Variants in LRRC28 observed in about 807,000 individuals in gnomAD.
LRRC28 encodes leucine rich repeat containing 28, also known as leucine-rich repeat-containing protein 28.
Under a neutral mutation model 45.7 loss-of-function variants are expected in LRRC28, and 39 were observed. The observed-to-expected ratio is 0.85, with a 90% CI of 0.66 to 1.12. The LOEUF (loss-of-function observed/expected upper bound fraction) is 1.12, where lower values mean the gene tolerates loss of function less well. Among genes scored for constraint, LRRC28 ranks in the 50% most tolerant of loss-of-function variants. The probability of loss-of-function intolerance (pLI) is 0.00; values close to 1 mark genes in which losing one functional copy is unlikely to be tolerated. For synonymous variants in LRRC28, 206 were observed against 178.8 expected, an observed-to-expected ratio of 1.15 and a Z score of -1.22; for missense variants, 435 against 438.5, an observed-to-expected ratio of 0.99 and a Z score of 0.07.
chr15:99,284,783 G>C (rs943165650), intron 3 of LRRC28: 2 of 533,994 alleles, frequency 3.7e-6, no homozygotes, highest in African/African-American at 3.8e-5. Context: ...ACTGACTATT[G>C]CAATTGTCAA....
chr15:99,270,440 C>T (rs765597548), intron 2 of LRRC28, among the ~76,000 whole-genome samples: 4 of 146,250 alleles, frequency 2.7e-5, no homozygotes, highest in Non-Finnish European at 4.6e-5. Flanking sequence ...CCCCCACCCT[C>T]AGCTCCCACA....
chr15:99,373,564 A>T (rs976329157), intron 9 of LRRC28, among the ~76,000 whole-genome samples: 1 of 152,232 alleles, frequency 6.6e-6, no homozygotes, highest in Non-Finnish European at 1.5e-5. Context: ...TTTAAAATGC[A>T]CAATTACTGA....
At chr15:99,294,356 T>C (rs948867666) in intron 5 of LRRC28, among the ~76,000 whole-genome samples, 1 of 152,196 alleles carries the variant, frequency 6.6e-6, no homozygotes, top group African/African-American at 2.4e-5. Flanking sequence ...TTTAATGTAA[T>C]GTTTTTCTTG....
intron 1 of LRRC28, chr15:99,252,072 TTAA>T (rs2080824070): frequency 6.6e-6 from 1 of 152,196 alleles, no homozygotes; most frequent in African/African-American, 2.4e-5. Flanking sequence ...TGTTTTGTTT[TTAA>T]TAATAAGATA....
intron 1 of LRRC28, 110 bp from the exon 2 acceptor site, chr15:99,255,787 GT>G (rs2080999111): frequency 1.9e-6 from 1 of 534,158 alleles, no homozygotes; most frequent in Non-Finnish European, 3.2e-6. Flanking sequence ...AGGATTGAAT[GT>G]ATTAATTATT....
At chr15:99,310,866 A>G (rs1312847817) in intron 5 of LRRC28, among the ~76,000 whole-genome samples, 1 of 152,210 alleles carries the variant, frequency 6.6e-6, no homozygotes, top group African/African-American at 2.4e-5. Context: ...TCTGTGCTGT[A>G]GATAAACACA....
Position 99,255,946 on chromosome 15 carries a change from A to T in LRRC28, c.-12A>T, listed in dbSNP as rs367911592. The T allele has an allele frequency of 1.2e-6, 2 of 1,611,224 alleles. No individual in the cohort carries two copies. On this transcript the variant is annotated 5_prime_UTR_variant, in exon 2 of 10. Coordinates refer to ENST00000301981, the MANE Select transcript of LRRC28 (RefSeq NM_144598.5). ...ATAGTGCTGCAGCGTGCCTGATGGG[A>T]TATATTCAGTCATGGCGTCCGAACT... is the stretch of plus-strand genomic sequence containing the variant.
Position 99,386,642 on chromosome 15 carries a change from C to A in LRRC28, c.*540C>A, listed in dbSNP as rs1312624177. The A allele has an allele frequency of 6.5e-6, 1 of 152,940 alleles. No individual in the cohort carries two copies. Among genetic ancestry groups the A allele is most frequent in the South Asian group, 2.1e-4 (1 of 4,862 alleles). The allele number at this position is 152,940 out of a possible 1,614,324, so 9.5% of individuals were successfully genotyped here. A position where few individuals can be genotyped will look rare whatever the true frequency, so the allele number is the denominator to read the frequency against. On this transcript the variant is annotated 3_prime_UTR_variant, in exon 10 of 10. Coordinates refer to ENST00000301981, the MANE Select transcript of LRRC28 (RefSeq NM_144598.5). Reference sequence around the variant, plus strand: ...CCTGAGTTGGCAGCAAAGTGAGGCTCCCATGGAGGCTCAGTGAGGGTCCCA... The same window carrying A: ...CCTGAGTTGGCAGCAAAGTGAGGCTACCATGGAGGCTCAGTGAGGGTCCCA...
At chr15:99,325,538 C>T (rs989686084) in intron 5 of LRRC28, among the ~76,000 whole-genome samples, 3 of 152,180 alleles carry the variant, frequency 2.0e-5, no homozygotes, top group African/African-American at 7.2e-5. Context: ...AAGCACTCAG[C>T]CTGTCACCAT....
intron 6 of LRRC28, 79 bp from the exon 7 acceptor site, chr15:99,352,290 T>C (rs951234974): frequency 2.1e-6 from 2 of 934,416 alleles, no homozygotes; most frequent in Non-Finnish European, 3.3e-6. Context: ...ATATTTCTAA[T>C]ACTATGTATT....
intron 2 of LRRC28, 46 bp from the exon 3 acceptor site, chr15:99,276,530 G>T: frequency 6.9e-7 from 1 of 1,447,718 alleles, no homozygotes; most frequent in South Asian, 1.4e-5. Context: ...GAAATGTTTA[G>T]ACATTTTTCA....
intron 9 of LRRC28, among the ~76,000 whole-genome samples, chr15:99,380,536 T>G (rs1194886636): frequency 6.6e-6 from 1 of 152,242 alleles, no homozygotes; most frequent in African/African-American, 2.4e-5. Flanking sequence ...CATTTACATT[T>G]AAGGTTAATA....
chr15:99,383,271 G>A (rs1266085213), intron 9 of LRRC28, among the ~76,000 whole-genome samples: 1 of 152,166 alleles, frequency 6.6e-6, no homozygotes, highest in Non-Finnish European at 1.5e-5. Context: ...GGCTTCTACA[G>A]CATCCTATTT....
chr15:99,266,160 C>T (rs1278419534), intron 2 of LRRC28, among the ~76,000 whole-genome samples: 1 of 152,152 alleles, frequency 6.6e-6, no homozygotes, highest in East Asian at 1.9e-4. Flanking sequence ...ATCTGTCAAT[C>T]ATGTTCCTGA....
intron 2 of LRRC28, chr15:99,259,620 C>T (rs1479649470): frequency 1.3e-5 from 20 of 1,495,854 alleles, no homozygotes; most frequent in South Asian, 4.5e-5. Context: ...GCGTACCAAA[C>T]GGGCAAGGGC....
At chr15:99,306,896 C>T (rs1166919999) in intron 5 of LRRC28, among the ~76,000 whole-genome samples, 3 of 152,170 alleles carry the variant, frequency 2.0e-5, no homozygotes, top group Admixed American at 1.3e-4. Context: ...CTTGCTGGTG[C>T]GTCTTGTCTG....
rs750651751 is a variant in LRRC28 at position 99,363,222 on chromosome 15, C to T, written c.988C>T (p.Leu330Phe). 1.2e-6 allele frequency: 2 copies of T among 1,614,078 alleles called. No individual in the cohort carries two copies. Among genetic ancestry groups the T allele is most frequent in the Non-Finnish European group, 1.7e-6 (2 of 1,179,932 alleles). Residue 330 changes from leucine (L) to phenylalanine (F), a missense_variant, in exon 9 of 10, where the codon CTC becomes TTC. Physicochemically the swap from Leu to Phe is conservative, Grantham distance 22. Transcript: ENST00000301981. ...TATGTTTACCATCGTCTACCCCAAG[C>T]TCTTTCCCTTGAGAGAGACGCCAAT... ...EPMFTIVYPK[L>F]FPLRETPMAG... is the part of the protein sequence containing the mutation.
chr15:99,294,956 C>A (rs1444945565), intron 5 of LRRC28, among the ~76,000 whole-genome samples: 2 of 152,198 alleles, frequency 1.3e-5, no homozygotes, highest in African/African-American at 2.4e-5. Flanking sequence ...GTGCCATGGC[C>A]CAAAATATGC....
chr15:99,272,562 A>T (rs962075831), intron 2 of LRRC28, among the ~76,000 whole-genome samples: 1 of 152,246 alleles, frequency 6.6e-6, no homozygotes, highest in African/African-American at 2.4e-5. Context: ...AAATTTTAAA[A>T]CATTCCCATT....
Sources: allele counts gnomAD v4.1 joint callset (sites outside exome capture counted in the v4.1 genomes callset), GRCh38; gene constraint gnomAD v4.1.1; transcripts MANE v1.5; gene names NCBI Gene and HGNC (gene_info 2026-07-23, HGNC 2026-07-21).